The following GRXCR1 variants were observed in gnomAD, a reference collection of about 807,000 sequenced individuals.
GRXCR1 encodes glutaredoxin and cysteine rich domain containing 1.
In GRXCR1, 27 loss-of-function variants were observed where a neutral mutation model predicts 27.3. The observed-to-expected ratio is 0.99, with a 90% CI of 0.73 to 1.37. GRXCR1 has a LOEUF of 1.37. Among genes scored for constraint, GRXCR1 ranks in the 40% most tolerant of loss-of-function variants. The probability of loss-of-function intolerance (pLI) is 0.00; values close to 1 mark genes in which losing one functional copy is unlikely to be tolerated. For missense variants in GRXCR1, 379 were observed against 354.4 expected, an observed-to-expected ratio of 1.07 and a Z score of -0.56; for synonymous variants, 122 against 131.1, an observed-to-expected ratio of 0.93 and a Z score of 0.47.
intron 1 of GRXCR1, among the ~76,000 whole-genome samples, chr4:42,931,855 T>G (rs1031864831): frequency 1.3e-5 from 2 of 151,938 alleles, no homozygotes; most frequent in Non-Finnish European, 2.9e-5. Context: ...CCTGGGTAAT[T>G]TATAAAGGAA....
chr4:42,954,434 G>C (rs1032445725), intron 1 of GRXCR1, among the ~76,000 whole-genome samples: 1 of 152,126 alleles, frequency 6.6e-6, no homozygotes, highest in Admixed American at 6.6e-5. Flanking sequence ...TAAGGAAAGA[G>C]TAAGGACTTA....
chr4:42,976,432 A>G (rs1007845969), intron 2 of GRXCR1, among the ~76,000 whole-genome samples: 2 of 152,042 alleles, frequency 1.3e-5, no homozygotes, highest in African/African-American at 2.4e-5. Context: ...GATGCTATGT[A>G]TATCTTTCTT....
intron 3 of GRXCR1, among the ~76,000 whole-genome samples, chr4:43,027,097 T>C (rs905337858): frequency 4.6e-5 from 7 of 152,238 alleles, no homozygotes; most frequent in Non-Finnish European, 7.3e-5. Flanking sequence ...ACAAGCAGTT[T>C]AGCTTAAGGT....
At position 42,963,139 on chromosome 4, in the gene GRXCR1, G is replaced by A; in HGVS notation, c.627+5G>A. The A allele has an allele frequency of 6.2e-7, 1 of 1,612,536 alleles. No individual in the cohort carries two copies. Among genetic ancestry groups the A allele is most frequent in the Non-Finnish European group, 8.5e-7 (1 of 1,178,844 alleles). ...ATTGATGGCCATTACCTTGGGGTAA[G>A]TAAGCTGCCCAGGAAAGTCTTTTTC... On this transcript the variant is annotated splice_donor_5th_base_variant and intron_variant, in intron 2 of 3. Transcript: ENST00000399770.
At position 43,009,945 on chromosome 4, in the gene GRXCR1, A is replaced by G. The variant is rs930206175; in HGVS notation, c.628-10409A>G. Among the ~76,000 whole-genome samples, 68 of 152,252 alleles carry G rather than the reference A, an allele frequency of 4.5e-4. 1 individual carries two copies. Among genetic ancestry groups the G allele is most frequent in the African/African-American group, 1.6e-3 (68 of 41,552 alleles). ...AGTGATTCAAACAAGTTATGCATTT[A>G]TTTGTCTTTCAAATAAATCTGGGTT... On this transcript the variant is annotated intron_variant, in intron 2 of 3. Transcript: ENST00000399770.
At chr4:42,943,914 CT>C (rs1481799089) in intron 1 of GRXCR1, among the ~76,000 whole-genome samples, 2 of 152,034 alleles carry the variant, frequency 1.3e-5, no homozygotes, top group African/African-American at 4.8e-5. Flanking sequence ...GACAGCACCT[CT>C]TCCCTCCAGA....
chr4:42,987,240 TAATATATA>T (rs1560676861), intron 2 of GRXCR1, among the ~76,000 whole-genome samples: 2,937 of 62,898 alleles, frequency 0.047, 62 homozygotes, highest in African/African-American at 0.056. Flanking sequence ...TATATATATA[TAATATATA>T]ATATATATAT....
intron 1 of GRXCR1, among the ~76,000 whole-genome samples, chr4:42,942,543 A>G (rs1205845756): frequency 6.6e-6 from 1 of 152,088 alleles, no homozygotes. Context: ...TAAAATATGC[A>G]GTTTGAAAAT....
At chr4:42,913,173 G>A (rs1746766287) in intron 1 of GRXCR1, among the ~76,000 whole-genome samples, 1 of 152,190 alleles carries the variant, frequency 6.6e-6, no homozygotes, top group Non-Finnish European at 1.5e-5. Flanking sequence ...AGTACCAGGA[G>A]TGGGGCACTG....
intron 2 of GRXCR1, among the ~76,000 whole-genome samples, chr4:43,000,740 C>T (rs971384027): frequency 2.6e-5 from 4 of 151,878 alleles, no homozygotes; most frequent in African/African-American, 7.3e-5. Context: ...CAGGCATCCA[C>T]GAGGGGGTCC....
chr4:42,903,111 A>C (rs991695212), intron 1 of GRXCR1, among the ~76,000 whole-genome samples: 2 of 152,110 alleles, frequency 1.3e-5, no homozygotes, highest in African/African-American at 4.8e-5. Flanking sequence ...CGAAGGCTGA[A>C]GATTTGCCTC....
chr4:42,946,022 T>C (rs1022974295), intron 1 of GRXCR1, among the ~76,000 whole-genome samples: 1 of 152,188 alleles, frequency 6.6e-6, no homozygotes, highest in African/African-American at 2.4e-5. Context: ...GAATATATCA[T>C]GTTGCTCAGG....
At chr4:42,897,283 A>C (rs1165917658) in intron 1 of GRXCR1, among the ~76,000 whole-genome samples, 2 of 152,096 alleles carry the variant, frequency 1.3e-5, no homozygotes, top group African/African-American at 4.8e-5. Flanking sequence ...TATTCTTATG[A>C]GATTACATTT....
chr4:43,022,287 T>C (rs867470396), intron 3 of GRXCR1, among the ~76,000 whole-genome samples: 19 of 152,204 alleles, frequency 1.2e-4, no homozygotes, highest in African/African-American at 4.1e-4. Flanking sequence ...AGGATGAATA[T>C]CCTTAATTGC....
At chr4:43,028,282 C>G (rs1713319400) in intron 3 of GRXCR1, among the ~76,000 whole-genome samples, 1 of 152,150 alleles carries the variant, frequency 6.6e-6, no homozygotes, top group African/African-American at 2.4e-5. Context: ...AAATAATTTT[C>G]TAGCTTAAGT....
intron 1 of GRXCR1, among the ~76,000 whole-genome samples, chr4:42,907,505 TG>T (rs1425605379): frequency 1.3e-5 from 2 of 152,272 alleles, no homozygotes; most frequent in African/African-American, 4.8e-5. Context: ...ATGGTTGCAC[TG>T]TATTTTCAGT....
At chr4:42,965,052 C>T in intron 2 of GRXCR1, among the ~76,000 whole-genome samples, 1 of 152,010 alleles carries the variant, frequency 6.6e-6, no homozygotes, top group Non-Finnish European at 1.5e-5. Flanking sequence ...GTTGGCTGTT[C>T]TTATTCGGAA....
At chr4:42,917,748 G>T (rs1746916565) in intron 1 of GRXCR1, among the ~76,000 whole-genome samples, 1 of 152,022 alleles carries the variant, frequency 6.6e-6, no homozygotes, top group African/African-American at 2.4e-5. Flanking sequence ...GATGAACGGG[G>T]GCTATTAAGT....
intron 1 of GRXCR1, among the ~76,000 whole-genome samples, chr4:42,907,230 C>G (rs1746616797): frequency 6.6e-6 from 1 of 152,128 alleles, no homozygotes; most frequent in Admixed American, 6.6e-5. Flanking sequence ...ATTTCAGTAG[C>G]TTGGGGGTGC....
Sources: gnomAD v4.1 joint callset for allele counts (sites outside exome capture counted in the v4.1 genomes callset) on GRCh38, gnomAD v4.1.1 for gene constraint, MANE v1.5 for transcripts, NCBI Gene and HGNC (gene_info 2026-07-23, HGNC 2026-07-21) for gene names.